PDE4D: variants seen among roughly 807,000 people sequenced by gnomAD.
PDE4D encodes 3',5'-cyclic-AMP phosphodiesterase 4D.
A neutral mutation model predicts 87.4 loss-of-function variants in PDE4D; 24 were observed. That is an observed-to-expected ratio of 0.27 (90% CI 0.20 to 0.39). The LOEUF is 0.39. PDE4D is among the 10% of genes least tolerant of loss of function. The probability of loss-of-function intolerance (pLI) is 1.00; values close to 1 mark genes in which losing one functional copy is unlikely to be tolerated. For missense variants in PDE4D, 714 were observed against 1,041.0 expected (o/e 0.69, Z 4.32); for synonymous variants, 384 against 383.2 (o/e 1.00, Z -0.02).
chr5:60,426,270 G>T, intron 1 of PDE4D, among the ~76,000 whole-genome samples: 1 of 152,142 alleles, frequency 6.6e-6, no homozygotes, highest in East Asian at 1.9e-4. Context: ...GCAAAGACTT[G>T]GAACCAACCC....
chr5:59,441,662 C>T (rs1419272669), intron 1 of PDE4D, among the ~76,000 whole-genome samples: 1 of 152,166 alleles, frequency 6.6e-6, no homozygotes, highest in Non-Finnish European at 1.5e-5. Flanking sequence ...AATTTCTCTG[C>T]TGTACATCTA....
At chr5:59,279,990 T>C (rs1033246140) in intron 1 of PDE4D, among the ~76,000 whole-genome samples, 1 of 152,120 alleles carries the variant, frequency 6.6e-6, no homozygotes, top group Admixed American at 6.6e-5. Flanking sequence ...GATAAACATA[T>C]TTAACAGCTA....
intron 1 of PDE4D, among the ~76,000 whole-genome samples, chr5:60,312,565 G>A (rs574321128): frequency 1.3e-5 from 2 of 152,282 alleles, no homozygotes; most frequent in South Asian, 2.1e-4. Flanking sequence ...TGGAGTGAGT[G>A]CAAGCAGGAG....
chr5:59,115,079 G>C (rs907708806), intron 5 of PDE4D, among the ~76,000 whole-genome samples: 2 of 146,024 alleles, frequency 1.4e-5, no homozygotes, highest in African/African-American at 2.5e-5. Context: ...GAGAAGGGGC[G>C]ATAGATGGAG....
chr5:60,364,975 AT>A (rs1048399144), intron 1 of PDE4D, among the ~76,000 whole-genome samples: 4 of 152,314 alleles, frequency 2.6e-5, no homozygotes, highest in African/African-American at 7.2e-5. Flanking sequence ...CAGAAAATAA[AT>A]TTTTTTTAAA....
Position 59,242,864 on chromosome 5 carries a change from A to G in PDE4D, c.456-26896T>C, listed in dbSNP as rs140079248. Among the ~76,000 whole-genome samples the G allele has an allele frequency of 6.9e-4, 105 of 152,294 alleles. 1 individual carries two copies. The highest frequency in any genetic ancestry group is 2.0e-3 in the African/African-American group (84 of 41,584). Reference sequence around the variant, plus strand: ...GCCAGTGTCAGAGCATCAACATAAGAATTCTCCATCGTTATACTGGCTTTT... The same window carrying G: ...GCCAGTGTCAGAGCATCAACATAAGGATTCTCCATCGTTATACTGGCTTTT... On this transcript the variant is annotated intron_variant, in intron 1 of 14. Transcript: ENST00000340635.
At chr5:60,019,899 T>A (rs532549502) in intron 2 of PDE4D, among the ~76,000 whole-genome samples, 4 of 152,310 alleles carry the variant, frequency 2.6e-5, no homozygotes, top group African/African-American at 9.6e-5. Context: ...TTTTATTTTT[T>A]TTTTTTGCAT....
chr5:60,200,896 G>A (rs2149544488), intron 1 of PDE4D, among the ~76,000 whole-genome samples: 1 of 152,240 alleles, frequency 6.6e-6, no homozygotes, highest in South Asian at 2.1e-4. Flanking sequence ...TTCTAAGAAT[G>A]TCTAAAATGC....
chr5:60,340,928 C>T (rs1353877713), intron 1 of PDE4D, among the ~76,000 whole-genome samples: 8 of 152,042 alleles, frequency 5.3e-5, no homozygotes, highest in Admixed American at 3.9e-4. Flanking sequence ...AGTTTTTATT[C>T]GGAACTTCTG....
intron 1 of PDE4D, among the ~76,000 whole-genome samples, chr5:59,256,745 T>A (rs943641364): frequency 6.6e-6 from 1 of 152,128 alleles, no homozygotes; most frequent in Non-Finnish European, 1.5e-5. Flanking sequence ...ATTGGCATCT[T>A]TACTTAAATG....
intron 5 of PDE4D, among the ~76,000 whole-genome samples, chr5:59,150,471 C>T (rs1049910841): frequency 6.6e-6 from 1 of 152,134 alleles, no homozygotes; most frequent in Non-Finnish European, 1.5e-5. Flanking sequence ...ACATTCAGTA[C>T]AGATTATTTC....
intron 6 of PDE4D, among the ~76,000 whole-genome samples, chr5:59,008,739 T>C (rs903504517): frequency 1.3e-5 from 2 of 152,036 alleles, no homozygotes; most frequent in African/African-American, 4.8e-5. Context: ...TACTGGACTT[T>C]ACCAAATTTC....
chr5:60,185,283 C>A (rs1405928255), intron 2 of PDE4D, among the ~76,000 whole-genome samples: 1 of 152,026 alleles, frequency 6.6e-6, no homozygotes, highest in Non-Finnish European at 1.5e-5. Context: ...TGCATGCACT[C>A]AAAAATTAGA....
intron 6 of PDE4D, among the ~76,000 whole-genome samples, chr5:59,003,515 C>T (rs1307160421): frequency 4.6e-5 from 7 of 152,210 alleles, no homozygotes; most frequent in Non-Finnish European, 1.0e-4. Flanking sequence ...CAAATTCTAA[C>T]GATTCTACAT....
At chr5:59,412,018 A>G (rs1224829791) in intron 1 of PDE4D, among the ~76,000 whole-genome samples, 1 of 152,160 alleles carries the variant, frequency 6.6e-6, no homozygotes, top group Admixed American at 6.5e-5. Context: ...GCACAACAGG[A>G]TACAGAGGTA....
intron 1 of PDE4D, among the ~76,000 whole-genome samples, chr5:60,511,952 A>G (rs529418088): frequency 3.3e-5 from 5 of 152,200 alleles, no homozygotes; most frequent in Non-Finnish European, 7.4e-5. Context: ...TCGTAAGTCA[A>G]ATGCACACGT....
chr5:59,473,231 T>C (rs1802754096), intron 1 of PDE4D, among the ~76,000 whole-genome samples: 1 of 152,126 alleles, frequency 6.6e-6, no homozygotes, highest in Non-Finnish European at 1.5e-5. Flanking sequence ...ACTCTCATAG[T>C]TTCAACTATA....
rs1457087679 is a variant in PDE4D at position 58,974,347 on chromosome 5, A to ACTT, written c.*314_*316dup. The ACTT allele has an allele frequency of 4.8e-6, 1 of 207,648 alleles. No individual in the cohort carries two copies. The highest frequency in any genetic ancestry group is 1.1e-4 in the East Asian group (1 of 9,482). The allele number at this position is 207,648 out of a possible 1,614,324, so 12.9% of individuals were successfully genotyped here. On this transcript the variant is annotated 3_prime_UTR_variant, in exon 15 of 15. Transcript: ENST00000340635. ...GGAATAGAAACCCCAAGTCCAATAA[A>ACTT]CTTTTGGGCTGCCTGATGAGTCACA...
At chr5:60,058,811 T>C (rs996426702) in intron 2 of PDE4D, among the ~76,000 whole-genome samples, 3 of 152,028 alleles carry the variant, frequency 2.0e-5, no homozygotes, top group Non-Finnish European at 4.4e-5. Context: ...ATACGAGAGA[T>C]ACCGTATGAA....
Sources: allele counts gnomAD v4.1 joint callset (sites outside exome capture counted in the v4.1 genomes callset), GRCh38; gene constraint gnomAD v4.1.1; transcripts MANE v1.5; gene names NCBI Gene and HGNC (gene_info 2026-07-23, HGNC 2026-07-21).